KIF27: variants seen among roughly 807,000 people sequenced by gnomAD.
The protein encoded by KIF27 is kinesin family member 27.
A neutral mutation model predicts 141.8 loss-of-function variants in KIF27; 84 were observed. The ratio of observed to expected loss-of-function variants is 0.59; its 90% CI spans 0.50 to 0.71. KIF27 has a LOEUF of 0.71. KIF27 is among the 30% of genes least tolerant of loss of function. KIF27 has a pLI of 0.00. For missense variants in KIF27, 1,306 were observed against 1,628.4 expected, an observed-to-expected ratio of 0.80 and a Z score of 3.41; for synonymous variants, 471 against 569.5, an observed-to-expected ratio of 0.83 and a Z score of 2.46.
chr9:83,846,404 G>A (rs561998714), intron 16 of KIF27, among the ~76,000 whole-genome samples: 1 of 152,260 alleles, frequency 6.6e-6, no homozygotes, highest in South Asian at 2.1e-4. Flanking sequence ...CTCACTTTAT[G>A]GCTAAAGAAG....
intron 16 of KIF27, among the ~76,000 whole-genome samples, chr9:83,847,161 A>C (rs1947387991): frequency 6.6e-6 from 1 of 152,168 alleles, no homozygotes; most frequent in Admixed American, 6.5e-5. Context: ...CTGCTTGCTA[A>C]AGGCAAAGGG....
chr9:83,859,791 C>T (rs1274921008), intron 13 of KIF27: 1 of 161,168 alleles, frequency 6.2e-6, no homozygotes, highest in Non-Finnish European at 1.4e-5. Context: ...CCTCAGCCCC[C>T]CAAAGTTCTG....
At chr9:83,889,003 C>T (rs1330039093) in intron 7 of KIF27, 81 bp downstream of exon 7, 3 of 1,450,684 alleles carry the variant, frequency 2.1e-6, no homozygotes, top group South Asian at 3.1e-5. Flanking sequence ...AGATATACTC[C>T]AATGGAAAAA....
rs1286885787 is a variant in KIF27 at position 83,842,286 on chromosome 9, A to G, written c.3672T>C (p.Leu1224=). Residue 1224 remains leucine, a synonymous_variant, in exon 17 of 18, where the codon CTT becomes CTC. Coordinates refer to ENST00000297814, the MANE Select transcript of KIF27 (RefSeq NM_017576.4). ...KKTSRDHKKK[L]KELVGEAIRR... ...GAATTGCTTCCCCTACCAGTTCCTT[A>G]AGTTTCTTCTTATGATCCCGGCTGG... is the stretch of plus-strand genomic sequence containing the variant. 7.0e-6 allele frequency: 11 copies of G among 1,567,776 alleles called. No individual in the cohort carries two copies. In the African/African-American group the frequency reaches 1.4e-4, roughly 20 times the overall value.
At chr9:83,848,570 C>A (rs1305022343) in intron 16 of KIF27, 5 of 143,996 alleles carry the variant, frequency 3.5e-5, no homozygotes, top group East Asian at 2.0e-4. Flanking sequence ...ATATATAGAT[C>A]TATATATATC....
intron 17 of KIF27, among the ~76,000 whole-genome samples, chr9:83,839,098 TAC>T (rs2131458135): frequency 6.6e-6 from 1 of 152,090 alleles, no homozygotes; most frequent in East Asian, 1.9e-4. Context: ...AGTTTGAGGC[TAC>T]AGTGAGCCAT....
At chr9:83,907,478 T>C (rs2132655754) in intron 3 of KIF27, among the ~76,000 whole-genome samples, 1 of 152,152 alleles carries the variant, frequency 6.6e-6, no homozygotes, top group African/African-American at 2.4e-5. Flanking sequence ...ATGATGAACA[T>C]GTTAGCTTTT....
At chr9:83,872,492 T>C (rs530254973) in intron 11 of KIF27, among the ~76,000 whole-genome samples, 1 of 152,340 alleles carries the variant, frequency 6.6e-6, no homozygotes, top group East Asian at 1.9e-4. Flanking sequence ...TTGAAAGTGC[T>C]GAGATACTTT....
chr9:83,842,761 C>T (rs1946744534), intron 16 of KIF27, among the ~76,000 whole-genome samples: 1 of 152,072 alleles, frequency 6.6e-6, no homozygotes, highest in Non-Finnish European at 1.5e-5. Context: ...CCACCGTGCC[C>T]GGCTGCAAAA....
Position 83,908,535 on chromosome 9 carries a change from T to C in KIF27, c.416A>G (p.Tyr139Cys), listed in dbSNP as rs1356928913. The change falls in exon 3 of 18, where the codon TAC (tyrosine) becomes TGC (cysteine). Residue 139 changes from tyrosine to cysteine, a missense_variant. Physicochemically the swap from Tyr to Cys is radical, Grantham distance 194. Transcript: ENST00000297814. ...TAGAAGATCTCTTAGGTCTTCCTTG[T>C]ACACTTCTATATAAGATACTTTTAC... ...FNVKVSYIEV[Y>C]KEDLRDLLEL... 3.7e-6 allele frequency: 6 copies of C among 1,610,164 alleles called. No homozygotes were observed. The highest frequency in any genetic ancestry group is 1.7e-5 in the Admixed American group (1 of 59,960).
intron 2 of KIF27, among the ~76,000 whole-genome samples, chr9:83,911,875 G>C (rs1955202354): frequency 6.6e-6 from 1 of 152,198 alleles, no homozygotes; most frequent in African/African-American, 2.4e-5. Flanking sequence ...AAAAGAGACA[G>C]AAAGTAAATC....
At position 83,889,254 on chromosome 9, in the gene KIF27, C is replaced by T; in HGVS notation, c.1810-1G>A. On this transcript the variant is annotated splice_acceptor_variant, in intron 6 of 17. Transcript: ENST00000297814. LOFTEE classifies it high-confidence loss of function. ...AGTACATAGGCGGACTTGTGTGGAC[C>T]TTGCAAGTGATTCCCCCACCCAACA... is the stretch of plus-strand genomic sequence containing the variant. 2 of 1,584,844 alleles carry T rather than the reference C, an allele frequency of 1.3e-6. No individual in the cohort carries two copies. The highest frequency in any genetic ancestry group is 1.7e-4 in the Middle Eastern group (1 of 5,936).
chr9:83,896,059 AAAAAAAAAAAAAAAAAC>A (rs1445097526), intron 5 of KIF27, among the ~76,000 whole-genome samples: 1 of 149,002 alleles, frequency 6.7e-6, no homozygotes, highest in African/African-American at 2.5e-5. Context: ...CTCAAAAAAA[AAAAAAAAAAAAAAAAAC>A]AAAACACACA....
rs368326003 is a variant in KIF27, at chr9:83,872,850, A to T, written c.2644-2218T>A. 3.2e-4 allele frequency among the ~76,000 whole-genome samples: 49 copies of T among 152,276 alleles called. 3 individuals carry two copies. In the South Asian group the frequency reaches 9.7e-3, roughly 30 times the overall value. Reference sequence around the variant, plus strand: ...TCAATGGGGAGAGACGGGCTCCTAAACTATTCAGGAGAGAAAATGCAGACT... The same window carrying T: ...TCAATGGGGAGAGACGGGCTCCTAATCTATTCAGGAGAGAAAATGCAGACT... On this transcript the variant is annotated intron_variant, in intron 11 of 17. Transcript: ENST00000297814.
At chr9:83,870,704 T>A (rs1950708315) in intron 11 of KIF27, 72 bp from the exon 12 acceptor site, 1 of 1,494,472 alleles carries the variant, frequency 6.7e-7, no homozygotes, top group East Asian at 2.5e-5. Flanking sequence ...TGACAATTAT[T>A]TTCTTTTTTT....
Position 83,834,152 on chromosome 9 carries a change from CG to C in KIF27, c.*2848del, listed in dbSNP as rs1945536277. Among the ~76,000 whole-genome samples the C allele has an allele frequency of 6.6e-6, 1 of 150,966 alleles. No individual in the cohort carries two copies. The highest frequency in any genetic ancestry group is 1.5e-5 in the Non-Finnish European group (1 of 67,730). ...TAAGAGGAAAAAAGAACATAATGAA[CG>C]AAAAAAAGAAAACCACAAACATTTT... On this transcript the variant is annotated 3_prime_UTR_variant, in exon 18 of 18. Coordinates refer to ENST00000297814, the MANE Select transcript of KIF27 (RefSeq NM_017576.4).
At chr9:83,902,913 A>G (rs948031845) in intron 4 of KIF27, 147 bp downstream of exon 4, 3 of 521,566 alleles carry the variant, frequency 5.8e-6, no homozygotes, top group Non-Finnish European at 6.5e-6. Flanking sequence ...AATCACTCTT[A>G]GAATTTACTT....
chr9:83,844,573 A>G lies in KIF27; in HGVS notation c.3557-2172T>C, dbSNP rs7026885. Reference sequence around the variant, plus strand: ...GTATGGAGAACACTGATAGTCCTTGACATGAACTGTTTACAGAATTATGCA... The same window carrying G: ...GTATGGAGAACACTGATAGTCCTTGGCATGAACTGTTTACAGAATTATGCA... On this transcript the variant is annotated intron_variant, in intron 16 of 17. Transcript: ENST00000297814. 6.1e-3 allele frequency among the ~76,000 whole-genome samples: 927 copies of G among 152,282 alleles called. 10 individuals carry two copies. The highest frequency in any genetic ancestry group is 0.021 in the African/African-American group (869 of 41,542).
At chr9:83,907,018 T>C (rs894974251) in intron 3 of KIF27, among the ~76,000 whole-genome samples, 6 of 151,688 alleles carry the variant, frequency 4.0e-5, no homozygotes, top group African/African-American at 1.2e-4. Flanking sequence ...GGGCCAGGCA[T>C]GGTGGCTCAT....
Sources: gnomAD v4.1 joint callset for allele counts (sites outside exome capture counted in the v4.1 genomes callset) on GRCh38, gnomAD v4.1.1 for gene constraint, MANE v1.5 for transcripts, NCBI Gene and HGNC (gene_info 2026-07-23, HGNC 2026-07-21) for gene names.